Variants in TANGO2 observed in about 807,000 individuals in gnomAD.
The protein encoded by TANGO2 is transport and Golgi organization protein 2 homolog.
In TANGO2, 26 loss-of-function variants were observed where a neutral mutation model predicts 39.1. The ratio of observed to expected loss-of-function variants is 0.67; its 90% confidence interval spans 0.49 to 0.92. The LOEUF is 0.92. TANGO2 is among the 40% of genes least tolerant of loss of function. TANGO2 has a pLI of 0.00. For missense variants in TANGO2, 326 were observed against 360.1 expected (o/e 0.91, Z 0.77); for synonymous variants, 131 against 144.5 (o/e 0.91, Z 0.67).
chr22:20,024,245 A>G lies in TANGO2; in HGVS notation c.-40+2999A>G, dbSNP rs190070631. Among the ~76,000 whole-genome samples, 25 of 152,374 alleles carry G rather than the reference A, an allele frequency of 1.6e-4. 1 individual carries two copies. On this transcript the variant is annotated intron_variant, in intron 1 of 8. Transcript: ENST00000327374. The stretch of plus-strand genomic sequence containing the variant: ...AAATAAAAATAAAAAATGCCATTTA[A>G]TAGCCAGAGAGTGTAAACTGGTGAG...
intron 2 of TANGO2, among the ~76,000 whole-genome samples, chr22:20,041,735 C>T (rs777712797): frequency 6.6e-6 from 1 of 152,200 alleles, no homozygotes; most frequent in Non-Finnish European, 1.5e-5. Context: ...CATGAGCCAC[C>T]GTACCCAGCT....
Position 20,064,596 on chromosome 22 carries a change from T to C in TANGO2, c.765T>C (p.Arg255=), listed in dbSNP as rs1384501854. The change falls in exon 9 of 9, where the codon CGT becomes CGC. Residue 255 remains arginine (R), a synonymous_variant. Transcript: ENST00000327374. The part of the protein sequence containing the change: ...DADGHVTFTE[R]SMMDKDLSHW... ...ACGGCCACGTGACCTTCACTGAGCG[T>C]AGCATGATGGACAAGGACCTCTCCC... 2 of 1,614,142 alleles carry C rather than the reference T, an allele frequency of 1.2e-6. No individual in the cohort carries two copies. Among genetic ancestry groups the C allele is most frequent in the Admixed American group, 1.7e-5 (1 of 60,034 alleles).
chr22:20,056,066 T>TCACCCTTGTGCTAAAAAG lies in TANGO2; in HGVS notation c.451+65_451+66insAAAAAGCACCCTTGTGCT. 2.1e-6 allele frequency: 3 copies of TCACCCTTGTGCTAAAAAG among 1,448,964 alleles called. No individual in the cohort carries two copies. In the South Asian group the frequency reaches 3.4e-5, roughly 17 times the overall value. The allele number at this position is 1,448,964 out of a possible 1,614,324, so 89.8% of individuals were successfully genotyped here. On this transcript the variant is annotated intron_variant, in intron 6 of 8. Transcript: ENST00000327374. ...GTGGGGGACTGTTTCTATGCAGAGG[T>TCACCCTTGTGCTAAAAAG]CACCCTTGTGCTTTTTAGAGACCAG...
At chr22:20,048,771 T>C (rs1004077150) in intron 3 of TANGO2, among the ~76,000 whole-genome samples, 2 of 152,014 alleles carry the variant, frequency 1.3e-5, no homozygotes, top group East Asian at 3.9e-4. Flanking sequence ...CTCAGCCTCC[T>C]GAGTAGCTGG....
At position 20,037,183 on chromosome 22, in the gene TANGO2, CAGTG is replaced by C; in HGVS notation, c.56+336_56+339del. On this transcript the variant is annotated intron_variant, in intron 2 of 8. Transcript: ENST00000327374. Reference sequence around the variant, plus strand: ...GGCGGCAGAACTGGGACAACGGCGTCAGTGAGTGAGAGCCAGCTTGGGCTGGCGG... The same window carrying C: ...GGCGGCAGAACTGGGACAACGGCGTCAGTGAGAGCCAGCTTGGGCTGGCGG... 4 of 1,414,168 alleles carry C rather than the reference CAGTG, an allele frequency of 2.8e-6. No individual in the cohort carries two copies. In the South Asian group the frequency reaches 4.3e-5, roughly 15 times the overall value. The allele number at this position is 1,414,168 out of a possible 1,614,324, so 87.6% of individuals were successfully genotyped here. A position where few individuals can be genotyped will look rare whatever the true frequency, so the allele number is the denominator to read the frequency against.
chr22:20,056,591 C>T (rs1426662368), intron 6 of TANGO2: 2 of 456,646 alleles, frequency 4.4e-6, no homozygotes, highest in Admixed American at 4.7e-5. Context: ...TTCCTTTCCC[C>T]CTCCTCGGGT....
At chr22:20,032,944 G>A (rs1012557825) in intron 1 of TANGO2, among the ~76,000 whole-genome samples, 2 of 152,226 alleles carry the variant, frequency 1.3e-5, no homozygotes, top group African/African-American at 4.8e-5. Flanking sequence ...ATGAGAGGGT[G>A]TTGGAATGCT....
intron 7 of TANGO2, among the ~76,000 whole-genome samples, chr22:20,061,989 T>C (rs966355721): frequency 6.6e-6 from 1 of 152,206 alleles, no homozygotes; most frequent in African/African-American, 2.4e-5. Context: ...CCCCTCTGCA[T>C]GCCGAGAGCT....
At chr22:20,040,535 A>G (rs549328579) in intron 2 of TANGO2, among the ~76,000 whole-genome samples, 39 of 152,266 alleles carry the variant, frequency 2.6e-4, no homozygotes, top group African/African-American at 9.1e-4. Context: ...GCAGAACCAC[A>G]TGGAGCTTGA....
chr22:20,060,367 A>G lies in TANGO2; in HGVS notation c.452-1163A>G, dbSNP rs556235198. Among the ~76,000 whole-genome samples, 95 of 151,344 alleles carry G rather than the reference A, an allele frequency of 6.3e-4. 1 individual carries two copies. The highest frequency in any genetic ancestry group is 2.3e-3 in the East Asian group (12 of 5,128). ...CCGTCTCAAAAAAAAAAAAAAAAAA[A>G]AGAGATCCTCCCTCCCAAGTAGCTG... On this transcript the variant is annotated intron_variant, in intron 6 of 8. Coordinates refer to ENST00000327374, the MANE Select transcript of TANGO2 (RefSeq NM_152906.7).
Position 20,050,357 on chromosome 22 carries a change from GGTT to G in TANGO2, c.146-2107_146-2105del, listed in dbSNP as rs1453000360. Among the ~76,000 whole-genome samples, 15 of 69,206 alleles carry G rather than the reference GGTT, an allele frequency of 2.2e-4. 1 individual carries two copies. The highest frequency in any genetic ancestry group is 1.5e-3 in the Admixed American group (6 of 4,084). The allele number at this position is 69,206 out of a possible 152,430, so 45.4% of individuals were successfully genotyped here. A position where few individuals can be genotyped will look rare whatever the true frequency, so the allele number is the denominator to read the frequency against. On this transcript the variant is annotated intron_variant, in intron 3 of 8. Coordinates refer to ENST00000327374, the MANE Select transcript of TANGO2 (RefSeq NM_152906.7). ...ATTTTTCATTAAATATTTTCCTGGT[GGTT>G]TTTTTTTTTTTTTTTTTTTTTGAGA...
intron 2 of TANGO2, among the ~76,000 whole-genome samples, chr22:20,038,245 G>T (rs1374046742): frequency 6.6e-6 from 1 of 152,176 alleles, no homozygotes; most frequent in Non-Finnish European, 1.5e-5. Flanking sequence ...CCCTGCTGAC[G>T]CCTTGATCTT....
At chr22:20,060,639 C>T (rs2048219375) in intron 6 of TANGO2, among the ~76,000 whole-genome samples, 1 of 152,188 alleles carries the variant, frequency 6.6e-6, no homozygotes, top group South Asian at 2.1e-4. Flanking sequence ...GTTCAATGGT[C>T]TTCCATGTTG....
At chr22:20,039,183 C>T (rs1329565079) in intron 2 of TANGO2, among the ~76,000 whole-genome samples, 2 of 151,356 alleles carry the variant, frequency 1.3e-5, no homozygotes, top group Non-Finnish European at 2.9e-5. Flanking sequence ...ATCCTCCTGC[C>T]TCAGCCTCCC....
chr22:20,026,928 G>A (rs899730192), intron 1 of TANGO2, among the ~76,000 whole-genome samples: 1 of 152,174 alleles, frequency 6.6e-6, no homozygotes, highest in African/African-American at 2.4e-5. Context: ...TCCTAGGAAT[G>A]TCCTCAGCTG....
At chr22:20,034,066 G>A (rs1478989526) in intron 1 of TANGO2, among the ~76,000 whole-genome samples, 11 of 152,190 alleles carry the variant, frequency 7.2e-5, no homozygotes, top group African/African-American at 2.2e-4. Context: ...TTAGCTGGGC[G>A]TGGTGGCGCA....
At position 20,061,664 on chromosome 22, in the gene TANGO2, G is replaced by A; in HGVS notation, c.586G>A (p.Val196Met). The A allele has an allele frequency of 8.4e-6, 13 of 1,554,404 alleles. No individual in the cohort carries two copies. Among genetic ancestry groups the A allele is most frequent in the Non-Finnish European group, 1.1e-5 (13 of 1,148,740 alleles). ...TGTGCTCATCGCCAGCCTCCTGGAT[G>A]TGCTCAACAATGAAGAGGCGTGAGT... The part of the protein sequence containing the change: ...KDVLIASLLD[V>M]LNNEEAQLPD... The change falls in exon 7 of 9, where the codon GTG (valine) becomes ATG (methionine). Residue 196 changes from valine to methionine, a missense_variant. Val to Met is a conservative substitution (Grantham distance 21). Coordinates refer to ENST00000327374, the MANE Select transcript of TANGO2 (RefSeq NM_152906.7).
In TANGO2 at chr22:20,066,406, C is replaced by T. The variant is rs1301185208; in HGVS notation, c.*1744C>T. ...TTTTCTAAGCCTCTGCACCCAACCC[C>T]TAACTTGGCCTTTTCAGACCCATGA... On this transcript the variant is annotated 3_prime_UTR_variant, in exon 9 of 9. Transcript: ENST00000327374. 6.6e-6 allele frequency: 1 copy of T among 152,314 alleles called. No individual in the cohort carries two copies. Among genetic ancestry groups the T allele is most frequent in the Non-Finnish European group, 1.5e-5 (1 of 68,120 alleles). 9.4% of individuals were successfully genotyped at this position (152,314 alleles called of 1,614,324 possible).
In TANGO2 at chr22:20,041,798, A is replaced by G. The variant is rs373741706; in HGVS notation, c.57-1557A>G. ...ATGAATGTCTGTTATTTCACATTTA[A>G]TCAGGAGCAAATGTTGTTTTATGAA... On this transcript the variant is annotated intron_variant, in intron 2 of 8. Transcript: ENST00000327374. Among the ~76,000 whole-genome samples, 52 of 152,318 alleles carry G rather than the reference A, an allele frequency of 3.4e-4. 1 individual carries two copies. The highest frequency in any genetic ancestry group is 1.3e-3 in the African/African-American group (52 of 41,584).
Sources: gnomAD v4.1 joint callset for allele counts (sites outside exome capture counted in the v4.1 genomes callset) on GRCh38, gnomAD v4.1.1 for gene constraint, MANE v1.5 for transcripts, NCBI Gene and HGNC (gene_info 2026-07-23, HGNC 2026-07-21) for gene names.